The following NYAP2 variants were observed in gnomAD, a reference collection of about 807,000 sequenced individuals.
NYAP2 encodes neuronal tyrosine-phosphorylated phosphoinositide-3-kinase adaptor 2, also known as neuronal tyrosine-phosphorylated phosphoinositide-3-kinase adapter 2.
A neutral mutation model predicts 50.4 loss-of-function variants in NYAP2; 23 were observed. That is an observed-to-expected ratio of 0.46 (90% CI 0.33 to 0.65). NYAP2 has a LOEUF of 0.65. Ranked by LOEUF, NYAP2 falls within the 30% of genes least tolerant of loss-of-function variation. The pLI is 0.02. For missense variants in NYAP2, 885 were observed against 861.0 expected (o/e 1.03, Z -0.35); for synonymous variants, 394 against 365.2 (o/e 1.08, Z -0.90).
At chr2:225,622,621 C>T (rs1693140306) in intron 5 of NYAP2, among the ~76,000 whole-genome samples, 1 of 148,174 alleles carries the variant, frequency 6.7e-6, no homozygotes, top group Admixed American at 6.9e-5. Context: ...GCCCTGTTGC[C>T]CAGGCTGGAG....
intron 3 of NYAP2, among the ~76,000 whole-genome samples, chr2:225,461,078 A>C (rs1269632806): frequency 6.6e-6 from 1 of 151,804 alleles, no homozygotes; most frequent in Non-Finnish European, 1.5e-5. Flanking sequence ...GGGATTGTTC[A>C]TAAACTCTAC....
chr2:225,641,422 AACACACACAC>A (rs56041107), intron 6 of NYAP2, among the ~76,000 whole-genome samples: 35,353 of 133,596 alleles, frequency 0.26, 4,701 homozygotes, highest in Admixed American at 0.4. Flanking sequence ...CAATCCCTCA[AACACACACAC>A]ACACACACAC....
chr2:225,582,550 C>T lies in NYAP2; in HGVS notation c.1133C>T (p.Ala378Val), dbSNP rs1045254100. ...TCTTACATGAAACAGCCAGCCGGGG[C>T]GTCGCCCTCCACGCTGCCGTCCCAC... The change falls in exon 5 of 7, where the codon GCG becomes GTG. Residue 378 changes from alanine (A) to valine (V), a missense_variant. Coordinates refer to ENST00000636099, the Ensembl canonical transcript of NYAP2. The surrounding 1 kb of genome is among the most constrained non-coding windows in gnomAD (Gnocchi z 7.0). The T allele has an allele frequency of 1.3e-6, 2 of 1,582,530 alleles. No homozygotes were observed. The highest frequency in any genetic ancestry group is 1.4e-5 in the African/African-American group (1 of 73,870).
At chr2:225,440,485 G>A (rs1049576157) in intron 3 of NYAP2, among the ~76,000 whole-genome samples, 2 of 152,170 alleles carry the variant, frequency 1.3e-5, no homozygotes, top group African/African-American at 4.8e-5. Flanking sequence ...AAGCATTGTG[G>A]TTCTTTAAGG....
Position 225,408,353 on chromosome 2 carries a change from A to G in NYAP2, c.-17-511A>G, listed in dbSNP as rs575535565. On this transcript the variant is annotated intron_variant, in intron 2 of 6. Transcript: ENST00000636099. ...AGAAATGTGTTTTTCTTTTACTACT[A>G]CTATATTTTGCATACATAGTTCAGA... 3.3e-5 allele frequency among the ~76,000 whole-genome samples: 5 copies of G among 152,172 alleles called. No homozygotes were observed. The East Asian group carries it at 9.7e-4, about 29-fold the overall frequency.
intron 5 of NYAP2, among the ~76,000 whole-genome samples, chr2:225,597,392 A>G (rs1433522880): frequency 1.3e-5 from 2 of 149,772 alleles, no homozygotes; most frequent in Non-Finnish European, 3.0e-5. Flanking sequence ...GAGAACATAC[A>G]ATGTTTGTTT....
At chr2:225,595,831 G>T (rs1334712162) in intron 5 of NYAP2, among the ~76,000 whole-genome samples, 2 of 152,108 alleles carry the variant, frequency 1.3e-5, no homozygotes, top group Non-Finnish European at 2.9e-5. Flanking sequence ...AAGTGAATGT[G>T]CTGTACTTGC....
At chr2:225,488,041 C>T (rs935129851) in intron 3 of NYAP2, among the ~76,000 whole-genome samples, 7 of 152,160 alleles carry the variant, frequency 4.6e-5, no homozygotes, top group African/African-American at 1.7e-4. Context: ...TCACAAAGTT[C>T]TCTTTGTTCT....
chr2:225,433,083 G>A (rs938342907), intron 3 of NYAP2, among the ~76,000 whole-genome samples: 9 of 152,096 alleles, frequency 5.9e-5, no homozygotes, highest in Admixed American at 5.2e-4. Context: ...TTATTGGTTC[G>A]AAAATACTTT....
chr2:225,412,790 G>A (rs1221934395), intron 3 of NYAP2, among the ~76,000 whole-genome samples: 1 of 152,130 alleles, frequency 6.6e-6, no homozygotes, highest in Non-Finnish European at 1.5e-5. Flanking sequence ...TAGCGGGCTA[G>A]GAAAGTAAAC....
At chr2:225,602,649 T>C (rs1362384099) in intron 5 of NYAP2, among the ~76,000 whole-genome samples, 1 of 152,216 alleles carries the variant, frequency 6.6e-6, no homozygotes, top group Non-Finnish European at 1.5e-5. Flanking sequence ...ATAGGTAGTG[T>C]AAGGTAAGAG....
the NYAP2 span, among the ~76,000 whole-genome samples, chr2:225,675,409 G>A: frequency 1.2e-4 from 18 of 152,098 alleles, no homozygotes; most frequent in African/African-American, 4.3e-4. Context: ...TGACTTGCTA[G>A]TATTGCAATA....
intron 3 of NYAP2, among the ~76,000 whole-genome samples, chr2:225,438,998 A>G (rs1159160333): frequency 6.6e-6 from 1 of 152,198 alleles, no homozygotes; most frequent in African/African-American, 2.4e-5. Context: ...CTGGAGGGAA[A>G]GCGGGAGTCA....
chr2:225,531,835 C>A lies in NYAP2; in HGVS notation c.523+18163C>A, dbSNP rs572942774. On this transcript the variant is annotated intron_variant, in intron 4 of 6. Coordinates refer to ENST00000636099, the Ensembl canonical transcript of NYAP2. ...GATGAGATTGCTTTGCTGGCTCTTT[C>A]GGTTTGTAAAACCCTGCCTTTCTTC... Among the ~76,000 whole-genome samples, 63 of 152,286 alleles carry A rather than the reference C, an allele frequency of 4.1e-4. No individual in the cohort carries two copies. The South Asian group carries it at 7.5e-3, about 18-fold the overall frequency.
intron 4 of NYAP2, among the ~76,000 whole-genome samples, chr2:225,572,572 G>A (rs538019451): frequency 1.1e-4 from 17 of 152,288 alleles, no homozygotes; most frequent in South Asian, 8.3e-4. Context: ...ACTTCTCACC[G>A]GTTCCCTCCC....
chr2:225,662,434 G>A, the NYAP2 span, among the ~76,000 whole-genome samples: 2 of 152,224 alleles, frequency 1.3e-5, no homozygotes, highest in Non-Finnish European at 2.9e-5. Context: ...CCAGAGTACT[G>A]TTGTAGATTT....
chr2:225,701,917 G>A, the NYAP2 span: 1 of 151,674 alleles, frequency 6.6e-6, no homozygotes, highest in Non-Finnish European at 1.5e-5. Flanking sequence ...ATTCTTTTGA[G>A]CAAATCTAGT....
At chr2:225,527,348 C>G (rs1210152487) in intron 4 of NYAP2, among the ~76,000 whole-genome samples, 1 of 152,122 alleles carries the variant, frequency 6.6e-6, no homozygotes, top group East Asian at 1.9e-4. Context: ...AGCAACATAC[C>G]TCTATTAGTT....
At chr2:225,691,218 G>A in the NYAP2 span, among the ~76,000 whole-genome samples, 1 of 151,522 alleles carries the variant, frequency 6.6e-6, no homozygotes, top group Non-Finnish European at 1.5e-5. Flanking sequence ...CCCTGTAAAG[G>A]GGCAGGTTAT....
Sources: gnomAD v4.1 joint callset for allele counts (sites outside exome capture counted in the v4.1 genomes callset) on GRCh38, gnomAD v4.1.1 for gene constraint, Gnocchi (gnomAD v3.1) non-coding constraint, MANE v1.5 for transcripts, NCBI Gene and HGNC (gene_info 2026-07-23, HGNC 2026-07-21) for gene names.